Variants in MRPL38 observed in about 807,000 individuals in gnomAD.
The protein encoded by MRPL38 is mitochondrial ribosomal protein L38, also known as large ribosomal subunit protein mL38.
MRPL38 carries 51 observed loss-of-function variants against 52.1 expected under a neutral mutation model. The observed-to-expected ratio is 0.98, with a 90% confidence interval of 0.78 to 1.24. MRPL38 has a LOEUF of 1.24. MRPL38 is among the 50% of genes most tolerant of loss of function. MRPL38 has a pLI of 0.00. For missense variants in MRPL38, 527 were observed against 518.6 expected (o/e 1.02, Z -0.16); for synonymous variants, 245 against 212.7 (o/e 1.15, Z -1.32).
At chr17:75,899,799 C>T in intron 6 of MRPL38, 125 bp from the exon 7 acceptor site, 5 of 832,098 alleles carry the variant, frequency 6.0e-6, no homozygotes, top group Non-Finnish European at 8.4e-6. Context: ...CATCTCTCTC[C>T]TGGGACAGAG....
At chr17:75,899,124 G>A in intron 8 of MRPL38, 34 bp downstream of exon 8, 1 of 1,583,522 alleles carries the variant, frequency 6.3e-7, no homozygotes, top group Non-Finnish European at 8.6e-7. Flanking sequence ...TGGGAGCTCA[G>A]GCCCACCCAG....
At chr17:75,900,675 T>C (rs1361351430) in intron 6 of MRPL38, 2 of 935,210 alleles carry the variant, frequency 2.1e-6, no homozygotes, top group African/African-American at 3.5e-5. Context: ...TAGCCATGAT[T>C]GCACCACTGT....
chr17:75,901,070 G>A lies in MRPL38; in HGVS notation c.665-43C>T, dbSNP rs765356895. The A allele has an allele frequency of 2.2e-5, 35 of 1,602,398 alleles. No homozygotes were observed. The highest frequency in any genetic ancestry group is 2.1e-4 in the South Asian group (19 of 89,408). On this transcript the variant is annotated intron_variant, in intron 5 of 8. Coordinates refer to ENST00000309352, the MANE Select transcript of MRPL38 (RefSeq NM_032478.4). This position sits in a 1 kb window ranked among gnomAD's most constrained non-coding sequence, Gnocchi z 5.7. ...TGCTGACCACGGCCCAGCCGACCAC[G>A]GCCCTGCCACCCCCTCCCTTGTTAG...
At chr17:75,904,767 A>ACCGGGGGG in intron 1 of MRPL38, 42 bp downstream of exon 1, 1 of 665,822 alleles carries the variant, frequency 1.5e-6, no homozygotes, top group Non-Finnish European at 2.2e-6. Flanking sequence ...AGCTCGGGCG[A>ACCGGGGGG]CAGCCCCCCC....
intron 6 of MRPL38, 186 bp downstream of exon 6, chr17:75,900,796 C>T (rs1381262945): frequency 7.1e-7 from 1 of 1,408,360 alleles, no homozygotes; most frequent in African/African-American, 1.4e-5. Context: ...CAAACTTTGT[C>T]TCCTGTAGCT....
chr17:75,904,419 T>A, intron 2 of MRPL38, 121 bp downstream of exon 2: 1 of 1,102,120 alleles, frequency 9.1e-7, no homozygotes, highest in Non-Finnish European at 1.3e-6. Flanking sequence ...AGGCAGGCCC[T>A]CCCAGCGTCC....
intron 2 of MRPL38, among the ~76,000 whole-genome samples, chr17:75,903,770 G>C (rs985107836): frequency 6.6e-6 from 1 of 151,376 alleles, no homozygotes; most frequent in Admixed American, 6.6e-5. Flanking sequence ...TTGTTGCCCA[G>C]GCTGGTGTGC....
rs2065402876 is a variant in MRPL38 at position 75,901,206 on chromosome 17, C to T, written c.659G>A (p.Ser220Asn). 2 of 1,613,586 alleles carry T rather than the reference C, an allele frequency of 1.2e-6. No individual in the cohort carries two copies. Among genetic ancestry groups the T allele is most frequent in the Non-Finnish European group, 1.7e-6 (2 of 1,179,830 alleles). Residue 220 changes from serine to asparagine, a missense_variant, in exon 5 of 9, where the codon AGC (serine) becomes AAC (asparagine). Ser to Asn is a conservative substitution (Grantham distance 46). Coordinates refer to ENST00000309352, the MANE Select transcript of MRPL38 (RefSeq NM_032478.4). The surrounding 1 kb of genome is among the most constrained non-coding windows in gnomAD (Gnocchi z 5.7). ...GGTGAGCCCCAGACACCCACCCAAGCTAGTGAGTAGCAACGTCCACAAGGA... is the reference window on the plus strand; with the variant it reads ...GGTGAGCCCCAGACACCCACCCAAGTTAGTGAGTAGCAACGTCCACAAGGA... ...EGSLWTLLLT[S>N]LDGHLLEPDA...
At position 75,901,190 on chromosome 17, in the gene MRPL38, C is replaced by T. The variant is rs777254455; in HGVS notation, c.664+11G>A. On this transcript the variant is annotated intron_variant, in intron 5 of 8. Coordinates refer to ENST00000309352, the MANE Select transcript of MRPL38 (RefSeq NM_032478.4). The surrounding 1 kb of genome is among the most constrained non-coding windows in gnomAD (Gnocchi z 5.7). Reference sequence around the variant, plus strand: ...GCGGGGCAGGAGGCCTGGTGAGCCCCAGACACCCACCCAAGCTAGTGAGTA... The same window carrying T: ...GCGGGGCAGGAGGCCTGGTGAGCCCTAGACACCCACCCAAGCTAGTGAGTA... 14 of 1,613,184 alleles carry T rather than the reference C, an allele frequency of 8.7e-6. No individual in the cohort carries two copies. The highest frequency in any genetic ancestry group is 1.2e-5 in the Non-Finnish European group (14 of 1,179,762).
At position 75,901,530 on chromosome 17, in the gene MRPL38, G is replaced by C; in HGVS notation, c.591+182C>G. ...CAGGCTGGTCACAGGAATGTGCTAA[G>C]ACAGAGCCTCTTTTTCCTTCATTTT... On this transcript the variant is annotated intron_variant, in intron 4 of 8. Coordinates refer to ENST00000309352, the MANE Select transcript of MRPL38 (RefSeq NM_032478.4). This position sits in a 1 kb window ranked among gnomAD's most constrained non-coding sequence, Gnocchi z 5.7. 1.5e-6 allele frequency: 1 copy of C among 677,968 alleles called. No homozygotes were observed. The allele number at this position is 677,968 out of a possible 1,614,324, so 42.0% of individuals were successfully genotyped here.
At chr17:75,904,780 CCCCCCCCG>C in intron 1 of MRPL38, 21 bp downstream of exon 1, 1 of 1,005,530 alleles carries the variant, frequency 9.9e-7, no homozygotes. Context: ...GCCCCCCCCC[CCCCCCCCG>C]CAGAGCTGCC....
At chr17:75,902,560 ATCT>A (rs1481177173) in intron 2 of MRPL38, among the ~76,000 whole-genome samples, 2 of 152,178 alleles carry the variant, frequency 1.3e-5, no homozygotes, top group Non-Finnish European at 2.9e-5. Context: ...GGGCGGGCAC[ATCT>A]TCTTGGTTAA....
rs2144133671 is a variant in MRPL38 at position 75,902,104 on chromosome 17, T to G, written c.298A>C (p.Thr100Pro). The change falls in exon 3 of 9, where the codon ACC becomes CCC. Residue 100 changes from threonine (T) to proline (P), a missense_variant. Physicochemically the swap from Thr to Pro is conservative, Grantham distance 38. Transcript: ENST00000309352. ...TGTTTCCGTTCCAGTAGCTGTTGGG[T>G]CCGGGAGACTTTGGGTGGAGGCAGC... is the stretch of plus-strand genomic sequence containing the variant. ...IGLPPPKVSR[T>P]QQLLERKQAI... 3.1e-6 allele frequency: 5 copies of G among 1,598,284 alleles called. No homozygotes were observed. In the South Asian group the frequency reaches 3.4e-5, roughly 11 times the overall value.
intron 6 of MRPL38, 103 bp downstream of exon 6, chr17:75,900,879 G>A: frequency 6.8e-7 from 1 of 1,470,820 alleles, no homozygotes; most frequent in Non-Finnish European, 9.0e-7. Flanking sequence ...TGAATTCAAG[G>A]TCCCATGGGT....
intron 7 of MRPL38, 36 bp downstream of exon 7, chr17:75,899,480 C>A: frequency 6.4e-7 from 1 of 1,551,010 alleles, no homozygotes; most frequent in Non-Finnish European, 8.7e-7. Flanking sequence ...GGGGAGCTGG[C>A]CTGAGGCCGG....
chr17:75,899,655 G>A lies in MRPL38; in HGVS notation c.730C>T (p.Arg244Trp), dbSNP rs753952457. The change falls in exon 7 of 9, where the codon CGG becomes TGG. Residue 244 changes from arginine to tryptophan, a missense_variant. Transcript: ENST00000309352. Reference sequence around the variant, plus strand: ...CACGTCACCTGTCCTTCAGCCACCCGGTTACCCGGGATGTTGGTTCTGGGA... The same window carrying A: ...CACGTCACCTGTCCTTCAGCCACCCAGTTACCCGGGATGTTGGTTCTGGGA... ...HWLLTNIPGN[R>W]VAEGQVTCPY... The A allele has an allele frequency of 1.1e-5, 17 of 1,580,446 alleles. No homozygotes were observed. The highest frequency in any genetic ancestry group is 4.5e-5 in the East Asian group (2 of 44,338).
chr17:75,901,020 G>A lies in MRPL38; in HGVS notation c.672C>T (p.His224=), dbSNP rs1388734881. The A allele has an allele frequency of 2.4e-5, 39 of 1,612,212 alleles. No individual in the cohort carries two copies. The highest frequency in any genetic ancestry group is 4.0e-5 in the African/African-American group (3 of 74,830). ...WTLLLTSLDG[H]LLEPDAEYLH... The stretch of plus-strand genomic sequence containing the variant: ...GGTACTCAGCATCTGGCTCCAGCAG[G>A]TGCCCATCTGCACAAAAACACACCT... Residue 224 remains histidine, a synonymous_variant, in exon 6 of 9, where the codon CAC becomes CAT. Coordinates refer to ENST00000309352, the MANE Select transcript of MRPL38 (RefSeq NM_032478.4). The surrounding 1 kb of genome is among the most constrained non-coding windows in gnomAD (Gnocchi z 5.7).
At chr17:75,904,272 G>C in intron 2 of MRPL38, 3 of 634,246 alleles carry the variant, frequency 4.7e-6, no homozygotes, top group Non-Finnish European at 9.0e-6. Flanking sequence ...GGAAAGTCAG[G>C]TGGTCAAGAT....
intron 7 of MRPL38, 50 bp from the exon 8 acceptor site, chr17:75,899,344 C>G: frequency 6.3e-7 from 1 of 1,590,944 alleles, no homozygotes; most frequent in South Asian, 1.1e-5. Context: ...GCACCAGAGC[C>G]CCTCACCCCG....
Sources: gnomAD v4.1 joint callset for allele counts (sites outside exome capture counted in the v4.1 genomes callset) on GRCh38, gnomAD v4.1.1 for gene constraint, Gnocchi (gnomAD v3.1) non-coding constraint, MANE v1.5 for transcripts, NCBI Gene and HGNC (gene_info 2026-07-23, HGNC 2026-07-21) for gene names.